The following RBCK1 variants were observed in gnomAD, a reference collection of about 807,000 sequenced individuals.
RBCK1 encodes RANBP2-type and C3HC4-type zinc finger containing 1.
In RBCK1, 44 loss-of-function variants were observed where a neutral mutation model predicts 71.1. That is an observed-to-expected ratio of 0.62 (90% CI 0.49 to 0.80). The LOEUF (loss-of-function observed/expected upper bound fraction) is 0.80, where lower values mean the gene tolerates loss of function less well. Among genes scored for constraint, RBCK1 ranks in the 30% least tolerant of loss-of-function variants. The pLI is 0.00. For missense variants in RBCK1, 569 were observed against 685.0 expected (o/e 0.83, Z 1.89); for synonymous variants, 306 against 279.7 (o/e 1.09, Z -0.94).
rs2016261486 is a variant in RBCK1 at position 419,726 on chromosome 20, C to T, written c.751C>T (p.Gln251Ter). The T allele has an allele frequency of 2.6e-6, 4 of 1,556,268 alleles. No homozygotes were observed. Among genetic ancestry groups the T allele is most frequent in the East Asian group, 2.4e-5 (1 of 42,004 alleles). The change falls in exon 6 of 12, where the codon CAG becomes TAG. Residue 251 changes from glutamine (Q) to a stop codon, truncating the protein, a stop_gained. Coordinates refer to ENST00000356286, the MANE Select transcript of RBCK1 (RefSeq NM_031229.4). LOFTEE classifies it high-confidence loss of function. ...CGAGGAGGAGGCGCTGCGTCAGTAC[C>T]AGCAGGTGGGCGGGAAAGTCCCTGG... ...AGEEEALRQY[Q>*]QRKQQQQEGN...
At position 408,585 on chromosome 20, in the gene RBCK1, G is replaced by A. The variant is rs2015507528; in HGVS notation, c.-173G>A. ...TCCCGGCCTGGTCACCGGGCAGTGT[G>A]ATGCTTCCCGACTGCCGCGGGGACA... On this transcript the variant is annotated 5_prime_UTR_variant, in exon 1 of 12. Coordinates refer to ENST00000356286, the MANE Select transcript of RBCK1 (RefSeq NM_031229.4). The A allele has an allele frequency of 3.8e-6, 3 of 798,080 alleles. No homozygotes were observed. Among genetic ancestry groups the A allele is most frequent in the South Asian group, 1.5e-5 (1 of 66,206 alleles). The allele number at this position is 798,080 out of a possible 1,614,324, so 49.4% of individuals were successfully genotyped here.
chr20:409,894 C>T lies in RBCK1; in HGVS notation c.36C>T (p.Ala12=). ...ACTGGCTTTCAGCAGAGGAAATGGC[C>T]CTGAGCCTCACCCGAGCAGTGGCGG... is the stretch of plus-strand genomic sequence containing the variant. ...DEKTKKAEEM[A]LSLTRAVAGG... The change falls in exon 2 of 12, where the codon GCC becomes GCT. Residue 12 remains alanine, a synonymous_variant. Transcript: ENST00000356286. 2 of 1,613,942 alleles carry T rather than the reference C, an allele frequency of 1.2e-6. No homozygotes were observed. Among genetic ancestry groups the T allele is most frequent in the African/African-American group, 1.3e-5 (1 of 75,012 alleles).
chr20:423,514 A>T (rs2016551294), intron 8 of RBCK1, among the ~76,000 whole-genome samples: 1 of 152,212 alleles, frequency 6.6e-6, no homozygotes, highest in Non-Finnish European at 1.5e-5. Flanking sequence ...TACAAAAAAA[A>T]TTACAATAAA....
intron 8 of RBCK1, among the ~76,000 whole-genome samples, chr20:425,156 G>GCC (rs1248444665): frequency 6.6e-6 from 1 of 151,894 alleles, no homozygotes; most frequent in African/African-American, 2.4e-5. Context: ...GACTAGAGGC[G>GCC]CACACCGCCA....
chr20:426,561 C>T (rs913744473), intron 8 of RBCK1, among the ~76,000 whole-genome samples: 1 of 152,176 alleles, frequency 6.6e-6, no homozygotes, highest in Non-Finnish European at 1.5e-5. Context: ...AATAGTACTC[C>T]ATTGTATATA....
At chr20:409,070 G>A (rs1475847960) in intron 1 of RBCK1, among the ~76,000 whole-genome samples, 1 of 152,218 alleles carries the variant, frequency 6.6e-6, no homozygotes, top group African/African-American at 2.4e-5. Context: ...GACGTCAGTT[G>A]ACCTGAGAAG....
rs1431488089 is a variant in RBCK1 at position 419,323 on chromosome 20, C to T, written c.461-24C>T. On this transcript the variant is annotated intron_variant, in intron 4 of 11. Coordinates refer to ENST00000356286, the MANE Select transcript of RBCK1 (RefSeq NM_031229.4). ...GGACCAAGTGGGCCGCGTGGAACCACCACCCTTTAACCCTCCTCCACAGAT... is the reference window on the plus strand; with the variant it reads ...GGACCAAGTGGGCCGCGTGGAACCATCACCCTTTAACCCTCCTCCACAGAT... 3.1e-6 allele frequency: 5 copies of T among 1,611,092 alleles called. No homozygotes were observed. The African/African-American group carries it at 5.3e-5, about 17-fold the overall frequency.
chr20:422,933 T>C lies in RBCK1; in HGVS notation c.1029+695T>C, dbSNP rs2016523386. On this transcript the variant is annotated intron_variant, in intron 8 of 11. Coordinates refer to ENST00000356286, the MANE Select transcript of RBCK1 (RefSeq NM_031229.4). The surrounding 1 kb of genome is among the most constrained non-coding windows in gnomAD (Gnocchi z 5.0). Reference sequence around the variant, plus strand: ...AACCTCTCTATGCCTCTATCTCATCTCTGTTAGAGTCAGAGTTACAGCTTC... The same window carrying C: ...AACCTCTCTATGCCTCTATCTCATCCCTGTTAGAGTCAGAGTTACAGCTTC... Among the ~76,000 whole-genome samples the C allele has an allele frequency of 6.6e-6, 1 of 152,234 alleles. No individual in the cohort carries two copies. Among genetic ancestry groups the C allele is most frequent in the Non-Finnish European group, 1.5e-5 (1 of 68,050 alleles).
chr20:410,444 C>T (rs2122174572), intron 2 of RBCK1: 1 of 779,726 alleles, frequency 1.3e-6, no homozygotes, highest in Non-Finnish European at 2.4e-6. Context: ...CATTCCAGCT[C>T]CATCCAGCCA....
Position 417,860 on chromosome 20 carries a change from G to T in RBCK1, c.390G>T (p.Leu130=). The change falls in exon 4 of 12, where the codon CTG becomes CTT. Residue 130 remains leucine, a synonymous_variant. Coordinates refer to ENST00000356286, the MANE Select transcript of RBCK1 (RefSeq NM_031229.4). This position sits in a 1 kb window ranked among gnomAD's most constrained non-coding sequence, Gnocchi z 4.7. ...RQNGDSAYLY[L]LSARNTSLNP... ...ATGGGGACAGTGCCTACCTCTATCTGCTGTCAGCCCGCAACACCTCCCTCA... is the reference window on the plus strand; with the variant it reads ...ATGGGGACAGTGCCTACCTCTATCTTCTGTCAGCCCGCAACACCTCCCTCA... 6.2e-7 allele frequency: 1 copy of T among 1,613,676 alleles called. No homozygotes were observed. The highest frequency in any genetic ancestry group is 8.5e-7 in the Non-Finnish European group (1 of 1,180,030).
At position 408,429 on chromosome 20, in the gene RBCK1, G is replaced by T; in HGVS notation, c.-329G>T. The T allele has an allele frequency of 2.1e-6, 1 of 470,818 alleles. No homozygotes were observed. Among genetic ancestry groups the T allele is most frequent in the Non-Finnish European group, 3.8e-6 (1 of 264,626 alleles). The allele number at this position is 470,818 out of a possible 1,614,324, so 29.2% of individuals were successfully genotyped here. On this transcript the variant is annotated 5_prime_UTR_variant, in exon 1 of 12. Coordinates refer to ENST00000356286, the MANE Select transcript of RBCK1 (RefSeq NM_031229.4). ...CGCAAGTGGGGGTCCTCCGGGACTTGGAACGCCCCGGCTGGGTGGTGTCCG... is the reference window on the plus strand; with the variant it reads ...CGCAAGTGGGGGTCCTCCGGGACTTTGAACGCCCCGGCTGGGTGGTGTCCG...
At chr20:410,365 TC>T (rs1345100459) in intron 2 of RBCK1, 4 of 773,448 alleles carry the variant, frequency 5.2e-6, no homozygotes, top group Non-Finnish European at 9.6e-6. Context: ...CCGACAGTCC[TC>T]AGAGGCTCAT....
At chr20:415,600 T>TC (rs2015937668) in intron 2 of RBCK1, among the ~76,000 whole-genome samples, 1 of 152,226 alleles carries the variant, frequency 6.6e-6, no homozygotes, top group African/African-American at 2.4e-5. Context: ...CACTAGTTTT[T>TC]TTTTTAAGAA....
chr20:429,453 C>T lies in RBCK1; in HGVS notation c.1452+359C>T, dbSNP rs571996386. ...GTTGGTCAGACTGGTCTCAAATTCCCGACCGCAGGTGATCCACCTGCCTCG... is the reference window on the plus strand; with the variant it reads ...GTTGGTCAGACTGGTCTCAAATTCCTGACCGCAGGTGATCCACCTGCCTCG... On this transcript the variant is annotated intron_variant, in intron 11 of 11. Transcript: ENST00000356286. Among the ~76,000 whole-genome samples, 798 of 152,112 alleles carry T rather than the reference C, an allele frequency of 5.2e-3. 5 individuals are homozygous for T. The highest frequency in any genetic ancestry group is 0.018 in the South Asian group (85 of 4,816).
Position 417,970 on chromosome 20 carries a change from C to T in RBCK1, c.460+40C>T. The T allele has an allele frequency of 6.4e-7, 1 of 1,572,622 alleles. No homozygotes were observed. Among genetic ancestry groups the T allele is most frequent in the Non-Finnish European group, 8.6e-7 (1 of 1,163,416 alleles). On this transcript the variant is annotated intron_variant, in intron 4 of 11. Coordinates refer to ENST00000356286, the MANE Select transcript of RBCK1 (RefSeq NM_031229.4). This position sits in a 1 kb window ranked among gnomAD's most constrained non-coding sequence, Gnocchi z 4.7. ...TGAGCACCGCCGGACCCAGCGGGGG[C>T]CCTGGACTCACTTGAGGGCATAGGG...
intron 2 of RBCK1, among the ~76,000 whole-genome samples, chr20:416,494 C>T (rs1211942368): frequency 1.3e-5 from 2 of 152,108 alleles, no homozygotes; most frequent in Admixed American, 6.5e-5. Context: ...CATGCCTTTC[C>T]TTGCTTTCTG....
At chr20:419,772 C>G (rs373808622) in intron 6 of RBCK1, 41 bp downstream of exon 6, 1 of 1,519,900 alleles carries the variant, frequency 6.6e-7, no homozygotes, top group Non-Finnish European at 8.8e-7. Context: ...GCAGACCGCA[C>G]GGGGGAGGTG....
intron 2 of RBCK1, chr20:410,530 C>T (rs2015642385): frequency 1.3e-6 from 1 of 779,686 alleles, no homozygotes; most frequent in African/African-American, 1.7e-5. Context: ...ATTGTACACA[C>T]TTCTTCCGTT....
chr20:419,769 G>T (rs780653781), intron 6 of RBCK1, 38 bp downstream of exon 6: 225 of 1,521,606 alleles, frequency 1.5e-4, no homozygotes, highest in Non-Finnish European at 1.8e-4. Context: ...CCTGCAGACC[G>T]CACGGGGGAG....
Sources: allele counts gnomAD v4.1 joint callset (sites outside exome capture counted in the v4.1 genomes callset), GRCh38; gene constraint gnomAD v4.1.1; non-coding constraint Gnocchi (gnomAD v3.1); transcripts MANE v1.5; gene names NCBI Gene and HGNC (gene_info 2026-07-23, HGNC 2026-07-21).